ACAD8: variants seen among roughly 807,000 people sequenced by gnomAD.
The protein encoded by ACAD8 is acyl-CoA dehydrogenase family member 8.
ACAD8 carries 47 observed loss-of-function variants against 53.1 expected under a neutral mutation model. That is an observed-to-expected ratio of 0.89 (90% CI 0.70 to 1.13). The LOEUF (loss-of-function observed/expected upper bound fraction) is 1.13. Ranked by LOEUF, ACAD8 falls within the 50% of genes most tolerant of loss-of-function variation. The probability of loss-of-function intolerance (pLI) is 0.00; values close to 1 mark genes in which losing one functional copy is unlikely to be tolerated. For missense variants in ACAD8, 494 were observed against 535.0 expected (o/e 0.92, Z 0.76); for synonymous variants, 198 against 201.3 (o/e 0.98, Z 0.14).
At chr11:134,256,009 G>A (rs546206147) in intron 1 of ACAD8, among the ~76,000 whole-genome samples, 8 of 145,144 alleles carry the variant, frequency 5.5e-5, no homozygotes, top group Non-Finnish European at 1.2e-4. Flanking sequence ...GGGTTCAAGC[G>A]ATTCTCCTGT....
chr11:134,265,368 G>A lies in ACAD8; in HGVS notation c.*408G>A, dbSNP rs756744458. The A allele has an allele frequency of 7.4e-5, 15 of 203,134 alleles. No homozygotes were observed. Among genetic ancestry groups the A allele is most frequent in the African/African-American group, 1.4e-4 (6 of 43,418 alleles). The allele number at this position is 203,134 out of a possible 1,614,324, so 12.6% of individuals were successfully genotyped here. The stretch of plus-strand genomic sequence containing the variant: ...CTCTTCCTGATTCTAGAGCAAAGGT[G>A]TGGGAAGGGGAAATGGAGGAATGCC... On this transcript the variant is annotated 3_prime_UTR_variant, in exon 11 of 11. Coordinates refer to ENST00000281182, the MANE Select transcript of ACAD8 (RefSeq NM_014384.3).
chr11:134,259,404 G>A, intron 5 of ACAD8: 1 of 592,396 alleles, frequency 1.7e-6, no homozygotes, highest in Non-Finnish European at 2.9e-6. Context: ...TGTGCCATTG[G>A]ACCTTATTGT....
rs968344615 is a variant in ACAD8, at chr11:134,259,678, A to G, written c.638A>G (p.Lys213Arg). The change falls in exon 6 of 11, where the codon AAG (lysine) becomes AGG (arginine). Residue 213 changes from lysine (K) to arginine (R), a missense_variant. By Grantham distance (26) the Lys-to-Arg change is conservative (BLOSUM62 2). Transcript: ENST00000281182. ...TGCCGAACAGGAGGACCAGGCCCCA[A>G]GGGCATCTCATGCATAGTTGTTGAG... ...VMCRTGGPGP[K>R]GISCIVVEKG... 2.5e-6 allele frequency: 4 copies of G among 1,614,098 alleles called. No individual in the cohort carries two copies. The highest frequency in any genetic ancestry group is 1.6e-4 in the Middle Eastern group (1 of 6,084).
intron 4 of ACAD8, 31 bp from the exon 5 acceptor site, chr11:134,258,973 CACCT>C (rs774546027): frequency 3.8e-6 from 6 of 1,576,400 alleles, no homozygotes; most frequent in Non-Finnish European, 5.2e-6. Context: ...CTGACTTTCT[CACCT>C]TCTCTCTGCT....
At chr11:134,257,756 G>A (rs1939629476) in intron 3 of ACAD8, 1 of 195,208 alleles carries the variant, frequency 5.1e-6, no homozygotes, top group Admixed American at 5.3e-5. Flanking sequence ...GTATTGCTTA[G>A]GGAATCAGGT....
At chr11:134,264,164 G>T in intron 10 of ACAD8, 1 of 499,622 alleles carries the variant, frequency 2.0e-6, no homozygotes, top group Non-Finnish European at 2.6e-6. Flanking sequence ...GGCCAACCCG[G>T]TGAAGCCCCG....
At chr11:134,258,792 GC>G (rs11306396) in intron 4 of ACAD8, 168 bp downstream of exon 4, 226,188 of 731,598 alleles carry the variant, frequency 0.31, 37,124 homozygotes, top group Admixed American at 0.4. Flanking sequence ...GGACCAAGAA[GC>G]CTATCTGGTG....
intron 4 of ACAD8, 87 bp downstream of exon 4, chr11:134,258,711 G>A (rs1377340660): frequency 4.0e-6 from 4 of 1,004,898 alleles, no homozygotes; most frequent in Non-Finnish European, 6.1e-6. Context: ...CCAGCCTCTT[G>A]ACATGTCGAG....
chr11:134,261,330 C>A lies in ACAD8; in HGVS notation c.897C>A (p.Leu299=), dbSNP rs1565375320. 1 of 1,614,192 alleles carries A rather than the reference C, an allele frequency of 6.2e-7. No homozygotes were observed. Among genetic ancestry groups the A allele is most frequent in the East Asian group, 2.2e-5 (1 of 44,866 alleles). The stretch of plus-strand genomic sequence containing the variant: ...CTGTCATCCTCACCCGAGACCACCT[C>A]AATGTCCGGAAGCAGTTTGGAGAGC... The part of the protein sequence containing the change: ...HASVILTRDH[L]NVRKQFGEPL... The change falls in exon 8 of 11, where the codon CTC becomes CTA. Residue 299 remains leucine, a synonymous_variant. Coordinates refer to ENST00000281182, the MANE Select transcript of ACAD8 (RefSeq NM_014384.3). The surrounding 1 kb of genome is among the most constrained non-coding windows in gnomAD (Gnocchi z 4.2).
intron 2 of ACAD8, 105 bp downstream of exon 2, chr11:134,256,753 C>A: frequency 9.9e-7 from 1 of 1,013,070 alleles, no homozygotes; most frequent in Non-Finnish European, 1.5e-6. Flanking sequence ...CTCCACTTAC[C>A]AACTCTTACT....
chr11:134,258,403 T>C, intron 3 of ACAD8, 112 bp from the exon 4 acceptor site: 1 of 749,220 alleles, frequency 1.3e-6, no homozygotes. Context: ...TTCCCACTCT[T>C]CTGCTTTACT....
At position 134,262,510 on chromosome 11, in the gene ACAD8, C is replaced by T. The variant is rs1939943858; in HGVS notation, c.1093-10C>T. ...AGAGTCCAAGACGTCTAGTCCCTGTCTCCCTGCAGATCTGCAACCAGGCCT... is the reference window on the plus strand; with the variant it reads ...AGAGTCCAAGACGTCTAGTCCCTGTTTCCCTGCAGATCTGCAACCAGGCCT... On this transcript the variant is annotated splice_polypyrimidine_tract_variant and intron_variant, in intron 9 of 10. Transcript: ENST00000281182. The T allele has an allele frequency of 6.2e-7, 1 of 1,600,674 alleles. No individual in the cohort carries two copies. Among genetic ancestry groups the T allele is most frequent in the Admixed American group, 1.7e-5 (1 of 59,846 alleles).
intron 9 of ACAD8, chr11:134,262,201 C>T: frequency 1.5e-6 from 1 of 650,032 alleles, no homozygotes; most frequent in South Asian, 1.5e-5. Context: ...CATTGTCAGG[C>T]TGCATTGCCA....
intron 6 of ACAD8, chr11:134,259,967 A>T (rs1939788083): frequency 1.4e-6 from 2 of 1,396,796 alleles, no homozygotes; most frequent in Non-Finnish European, 1.9e-6. Flanking sequence ...TAAATTCTTC[A>T]AGCCACCTGT....
intron 1 of ACAD8, 61 bp from the exon 2 acceptor site, chr11:134,256,487 G>A: frequency 7.3e-7 from 1 of 1,374,108 alleles, no homozygotes; most frequent in Non-Finnish European, 1.0e-6. Flanking sequence ...CTTCTTGTTG[G>A]CAACACCTTG....
chr11:134,263,325 C>T, intron 10 of ACAD8: 1 of 994,102 alleles, frequency 1.0e-6, no homozygotes, highest in Non-Finnish European at 1.2e-6. Flanking sequence ...GCTTCCCTGC[C>T]CCTTTCACAG....
Position 134,253,628 on chromosome 11 carries a change from G to A in ACAD8, c.28G>A (p.Gly10Arg). The A allele has an allele frequency of 6.3e-7, 1 of 1,583,020 alleles. No individual in the cohort carries two copies. The highest frequency in any genetic ancestry group is 8.6e-7 in the Non-Finnish European group (1 of 1,167,976). The stretch of plus-strand genomic sequence containing the variant: ...GCTGTGGAGCGGCTGCCGGCGTTTC[G>A]GGGCGCGCCTCGGCTGCCTGCCCGG... MLWSGCRRF[G>R]ARLGCLPGGL... The change falls in exon 1 of 11, where the codon GGG becomes AGG. Residue 10 changes from glycine to arginine, a missense_variant. By Grantham distance (125) the Gly-to-Arg change is moderately radical. Transcript: ENST00000281182.
chr11:134,253,678 C>T lies in ACAD8; in HGVS notation c.78C>T (p.Thr26=), dbSNP rs376157548. Residue 26 remains threonine (T), a synonymous_variant, in exon 1 of 11, where the codon ACC becomes ACT. Transcript: ENST00000281182. The part of the protein sequence containing the change: ...LPGGLRVLVQ[T]GHRSLTSCID... ...GCGGTCTCCGGGTCCTCGTCCAGAC[C>T]GGCCACCGGAGCTTGACCTCCTGCA... 6.9e-6 allele frequency: 11 copies of T among 1,600,018 alleles called. No homozygotes were observed. Among genetic ancestry groups the T allele is most frequent in the African/African-American group, 2.7e-5 (2 of 74,666 alleles).
Position 134,257,184 on chromosome 11 carries a change from C to A in ACAD8, c.307C>A (p.Leu103Ile), listed in dbSNP as rs760547139. The A allele has an allele frequency of 1.2e-6, 2 of 1,614,076 alleles. No homozygotes were observed. The highest frequency in any genetic ancestry group is 1.7e-6 in the Non-Finnish European group (2 of 1,180,050). ...TGTGGGCGGGTCTGGGCTGTCACGT[C>A]TTGATACCTCTGTCATTTTTGAAGC... Reference protein sequence around the residue: ...TDVGGSGLSRLDTSVIFEALA... With the variant: ...TDVGGSGLSRIDTSVIFEALA... Residue 103 changes from leucine (L) to isoleucine (I), a missense_variant, in exon 3 of 11, where the codon CTT (leucine) becomes ATT (isoleucine). Transcript: ENST00000281182.
Sources: allele counts gnomAD v4.1 joint callset (sites outside exome capture counted in the v4.1 genomes callset), GRCh38; gene constraint gnomAD v4.1.1; non-coding constraint Gnocchi (gnomAD v3.1); transcripts MANE v1.5; gene names NCBI Gene and HGNC (gene_info 2026-07-23, HGNC 2026-07-21).